DTNA: variants seen among roughly 807,000 people sequenced by gnomAD.
DTNA encodes dystrophin-related protein 3.
In DTNA, 43 loss-of-function variants were observed where a neutral mutation model predicts 100.7. The ratio of observed to expected loss-of-function variants is 0.43; its 90% CI spans 0.33 to 0.55. The LOEUF (loss-of-function observed/expected upper bound fraction) is 0.55. Ranked by LOEUF, DTNA falls within the 20% of genes least tolerant of loss-of-function variation. DTNA has a pLI of 0.04. For synonymous variants in DTNA, 349 were observed against 347.9 expected (o/e 1.00, Z -0.04); for missense variants, 798 against 953.9 (o/e 0.84, Z 2.15).
chr18:34,518,253 CT>C (rs1178495645), intron 1 of DTNA, among the ~76,000 whole-genome samples: 4 of 152,046 alleles, frequency 2.6e-5, no homozygotes, highest in Non-Finnish European at 4.4e-5. Context: ...CTCTTCATAT[CT>C]TTTGCCCATT....
chr18:34,628,440 C>A (rs2057635897), intron 1 of DTNA, among the ~76,000 whole-genome samples: 1 of 152,228 alleles, frequency 6.6e-6, no homozygotes, highest in Non-Finnish European at 1.5e-5. Context: ...ATAAAGAAAG[C>A]TAGCCATCAG....
chr18:34,719,593 AACG>A (rs1367077134), intron 1 of DTNA, among the ~76,000 whole-genome samples: 1 of 152,190 alleles, frequency 6.6e-6, no homozygotes, highest in African/African-American at 2.4e-5. Context: ...TGATACTTGT[AACG>A]TGCTCACAAA....
Position 34,766,603 on chromosome 18 carries a change from C to T in DTNA, c.148+562C>T, listed in dbSNP as rs531631740. Among the ~76,000 whole-genome samples the T allele has an allele frequency of 3.4e-3, 521 of 152,234 alleles. 1 individual carries two copies. The highest frequency in any genetic ancestry group is 4.8e-3 in the Non-Finnish European group (325 of 68,010). ...CGAGTTAATGGGTGCAGCACACCAA[C>T]ATGGCACATGTATACATATGTAACA... On this transcript the variant is annotated intron_variant, in intron 3 of 22. Coordinates refer to ENST00000444659, the MANE Select transcript of DTNA (RefSeq NM_001386795.1).
rs1238846335 is a variant in DTNA, at chr18:34,858,279, C to G, written c.1533-6C>G. On this transcript the variant is annotated splice_region_variant and splice_polypyrimidine_tract_variant and intron_variant, in intron 15 of 22. Coordinates refer to ENST00000444659, the MANE Select transcript of DTNA (RefSeq NM_001386795.1). ...TTGGTTTCTCACCTTCCTCCTCTCT[C>G]CCAAGAGAAATCTTACAGGAGATCC... The G allele has an allele frequency of 3.7e-6, 6 of 1,613,818 alleles. No individual in the cohort carries two copies. In the Admixed American group the frequency reaches 8.3e-5, roughly 22 times the overall value.
intron 3 of DTNA, among the ~76,000 whole-genome samples, chr18:34,782,670 G>T (rs1204476403): frequency 6.6e-6 from 1 of 152,168 alleles, no homozygotes; most frequent in Admixed American, 6.5e-5. Flanking sequence ...CCAAGGGAAT[G>T]TCCTGGAATT....
chr18:34,676,553 G>A (rs1269598104), intron 1 of DTNA, among the ~76,000 whole-genome samples: 1 of 152,156 alleles, frequency 6.6e-6, no homozygotes, highest in African/African-American at 2.4e-5. Context: ...GAGAGAAGGG[G>A]CCAGGCACGG....
intron 3 of DTNA, among the ~76,000 whole-genome samples, chr18:34,789,888 A>C (rs576998645): frequency 4.6e-4 from 70 of 152,178 alleles, no homozygotes; most frequent in Non-Finnish European, 9.3e-4. Flanking sequence ...CCCTATTCCA[A>C]GTGTTTTACA....
At chr18:34,861,532 C>T (rs1190994433) in intron 16 of DTNA, among the ~76,000 whole-genome samples, 1 of 136,556 alleles carries the variant, frequency 7.3e-6, no homozygotes, top group Non-Finnish European at 1.6e-5. Context: ...GGTTTTAACA[C>T]ACATATACAT....
At chr18:34,587,608 C>G (rs2049273357) in intron 1 of DTNA, among the ~76,000 whole-genome samples, 1 of 152,100 alleles carries the variant, frequency 6.6e-6, no homozygotes, top group African/African-American at 2.4e-5. Flanking sequence ...GACAACAACT[C>G]TTTGAAGTAT....
chr18:34,758,050 C>A (rs913626563), intron 2 of DTNA, among the ~76,000 whole-genome samples: 22 of 152,250 alleles, frequency 1.4e-4, no homozygotes, highest in African/African-American at 5.3e-4. Context: ...TCAAAGGGAG[C>A]AATTGATTTT....
intron 1 of DTNA, among the ~76,000 whole-genome samples, chr18:34,671,992 T>C (rs1599925668): frequency 6.6e-6 from 1 of 152,358 alleles, no homozygotes; most frequent in East Asian, 1.9e-4. Context: ...CTAGTTAGAC[T>C]AACCTTTGAC....
chr18:34,595,228 G>T (rs543084125), intron 1 of DTNA, among the ~76,000 whole-genome samples: 3 of 152,366 alleles, frequency 2.0e-5, no homozygotes, highest in African/African-American at 7.2e-5. Flanking sequence ...GTTTGTGAAT[G>T]CATGCACCTG....
chr18:34,589,450 A>G (rs548746911), intron 1 of DTNA, among the ~76,000 whole-genome samples: 2 of 152,042 alleles, frequency 1.3e-5, no homozygotes, highest in Non-Finnish European at 2.9e-5. Flanking sequence ...CTACTAAAAA[A>G]TACAAAAAAT....
rs956557905 is a variant in DTNA at position 34,867,808 on chromosome 18, CTCACCT to C, written c.1743+3749_1743+3754del. ...GCCCCCAAGGTGGCGCCACTGCCCC[CTCACCT>C]TCCAGCTCCTCTCCACCAAGCCCCT... On this transcript the variant is annotated intron_variant, in intron 17 of 22. Coordinates refer to ENST00000444659, the MANE Select transcript of DTNA (RefSeq NM_001386795.1). 6.1e-6 allele frequency: 6 copies of C among 985,580 alleles called. No homozygotes were observed. The African/African-American group carries it at 1.0e-4, about 17-fold the overall frequency. The allele number at this position is 985,580 out of a possible 1,614,324, so 61.1% of individuals were successfully genotyped here.
chr18:34,675,021 G>A (rs548350938), intron 1 of DTNA, among the ~76,000 whole-genome samples: 1 of 152,136 alleles, frequency 6.6e-6, no homozygotes, highest in African/African-American at 2.4e-5. Context: ...GACTTACCTT[G>A]TTCAACTTCA....
intron 1 of DTNA, among the ~76,000 whole-genome samples, chr18:34,620,002 T>G (rs1432188922): frequency 1.3e-5 from 2 of 152,154 alleles, no homozygotes; most frequent in Non-Finnish European, 2.9e-5. Context: ...AAGGACAGAA[T>G]GGTTTTACCA....
intron 1 of DTNA, among the ~76,000 whole-genome samples, chr18:34,669,915 T>G: frequency 1.3e-5 from 2 of 152,034 alleles, no homozygotes; most frequent in South Asian, 2.1e-4. Flanking sequence ...TTGGAGTTGC[T>G]CTTCTTGAGG....
rs2096191651 is a variant in DTNA, at chr18:34,838,099, CT to C, written c.1182del (p.Lys396ArgfsTer5). 2 of 1,613,678 alleles carry C rather than the reference CT, an allele frequency of 1.2e-6. No homozygotes were observed. Among genetic ancestry groups the C allele is most frequent in the South Asian group, 2.2e-5 (2 of 91,062 alleles). On this transcript the variant is annotated frameshift_variant, in exon 12 of 23. Coordinates refer to ENST00000444659, the MANE Select transcript of DTNA (RefSeq NM_001386795.1). LOFTEE classifies it high-confidence loss of function. Reference protein sequence around the residue: ...VNQLDHGARSPPKDSEVEQNK... With the variant: ...VNQLDHGARSXPKDSEVEQNK... ...TTTCCCATCTTATTAACTAGCTCTC[CT>C]CCCAAGGACAGTGAAGTAGAGCAGA...
Position 34,537,962 on chromosome 18 carries a change from G to C in DTNA, c.-2+44448G>C, listed in dbSNP as rs532134103. ...AACAAAGTTTTCAAAATGATAGATA[G>C]GGAAAGGCAACGTGAAGCAACATGA... On this transcript the variant is annotated intron_variant, in intron 1 of 19. Transcript: ENST00000283365. 2.6e-5 allele frequency among the ~76,000 whole-genome samples: 4 copies of C among 152,034 alleles called. No homozygotes were observed. The East Asian group carries it at 7.8e-4, about 29-fold the overall frequency.
Sources: allele counts gnomAD v4.1 joint callset (sites outside exome capture counted in the v4.1 genomes callset), GRCh38; gene constraint gnomAD v4.1.1; transcripts MANE v1.5; gene names NCBI Gene and HGNC (gene_info 2026-07-23, HGNC 2026-07-21).